PHLDB2: variants seen among roughly 807,000 people sequenced by gnomAD.
The protein encoded by PHLDB2 is pleckstrin homology like domain family B member 2, also known as pleckstrin homology-like domain family B member 2.
PHLDB2 carries 71 observed loss-of-function variants against 123.6 expected under a neutral mutation model. The observed-to-expected ratio is 0.57, with a 90% confidence interval of 0.47 to 0.70. The LOEUF (loss-of-function observed/expected upper bound fraction) is 0.70, where lower values mean the gene tolerates loss of function less well. PHLDB2 is among the 30% of genes least tolerant of loss of function. The pLI is 0.00. For missense variants in PHLDB2, 1,446 were observed against 1,519.5 expected (o/e 0.95, Z 0.80); for synonymous variants, 547 against 541.6 (o/e 1.01, Z -0.14).
intron 1 of PHLDB2, among the ~76,000 whole-genome samples, chr3:111,755,520 C>G (rs1460971177): frequency 6.9e-6 from 1 of 144,674 alleles, no homozygotes; most frequent in African/African-American, 2.6e-5. Context: ...TTTTTTATTG[C>G]GTCTATTTGA....
intron 2 of PHLDB2, among the ~76,000 whole-genome samples, chr3:111,912,132 G>C (rs1028540114): frequency 1.3e-5 from 2 of 152,154 alleles, no homozygotes; most frequent in African/African-American, 2.4e-5. Flanking sequence ...TTTGTTTTTA[G>C]TTCTTTTTTC....
chr3:111,772,669 C>T (rs1234983080), intron 1 of PHLDB2, among the ~76,000 whole-genome samples: 2 of 152,294 alleles, frequency 1.3e-5, no homozygotes, highest in South Asian at 4.1e-4. Context: ...TGGCATTTTT[C>T]TTGGTTCAAA....
At chr3:111,862,803 A>G (rs1403902456) in intron 1 of PHLDB2, among the ~76,000 whole-genome samples, 1 of 152,188 alleles carries the variant, frequency 6.6e-6, no homozygotes, top group Non-Finnish European at 1.5e-5. Flanking sequence ...GATTAAAGTC[A>G]TGGGATTTGG....
chr3:111,872,084 A>T (rs1450861767), intron 1 of PHLDB2, among the ~76,000 whole-genome samples: 1 of 152,232 alleles, frequency 6.6e-6, no homozygotes, highest in Non-Finnish European at 1.5e-5. Flanking sequence ...AAATGCAAAC[A>T]TTTCAACGTA....
intron 1 of PHLDB2, among the ~76,000 whole-genome samples, chr3:111,763,052 C>A (rs2060020869): frequency 6.6e-6 from 1 of 152,192 alleles, no homozygotes; most frequent in African/African-American, 2.4e-5. Flanking sequence ...TGTCTCCCAG[C>A]ACTTCTACAG....
chr3:111,876,603 G>A (rs1017276990), intron 1 of PHLDB2, among the ~76,000 whole-genome samples: 2 of 151,940 alleles, frequency 1.3e-5, no homozygotes, highest in Non-Finnish European at 2.9e-5. Flanking sequence ...TAAGTTCTGG[G>A]GTACATGTGC....
intron 1 of PHLDB2, among the ~76,000 whole-genome samples, chr3:111,798,682 A>AAAAATAAAATAAAAT (rs11276346): frequency 0.072 from 10,371 of 144,522 alleles, 489 homozygotes; most frequent in South Asian, 0.1. Context: ...TGTCTCTAAT[A>AAAAATAAAATAAAAT]AAAATAAAAT....
intron 1 of PHLDB2, 196 bp downstream of exon 1, chr3:111,859,772 G>C: frequency 2.0e-6 from 2 of 985,552 alleles, no homozygotes; most frequent in Non-Finnish European, 2.4e-6. Context: ...CGCGAGTCAG[G>C]AGGGGCCGGC....
chr3:111,771,827 A>G (rs753268428), intron 1 of PHLDB2, among the ~76,000 whole-genome samples: 6 of 152,212 alleles, frequency 3.9e-5, no homozygotes, highest in Non-Finnish European at 7.3e-5. Context: ...TAGGACTTCA[A>G]CATCTTTTGG....
At chr3:111,813,804 A>G (rs1341354554) in intron 1 of PHLDB2, among the ~76,000 whole-genome samples, 3 of 152,230 alleles carry the variant, frequency 2.0e-5, no homozygotes, top group African/African-American at 7.2e-5. Context: ...TATTTAGGCC[A>G]CTTAATTAGA....
At chr3:111,800,444 A>C (rs963239130) in intron 1 of PHLDB2, among the ~76,000 whole-genome samples, 1 of 152,174 alleles carries the variant, frequency 6.6e-6, no homozygotes, top group African/African-American at 2.4e-5. Flanking sequence ...CTTTTTGTTT[A>C]TTAAATTCCT....
chr3:111,955,978 A>C (rs2071031639), intron 12 of PHLDB2, among the ~76,000 whole-genome samples: 1 of 152,100 alleles, frequency 6.6e-6, no homozygotes, highest in Admixed American at 6.6e-5. Context: ...AGGAGGGAAG[A>C]TTGCTTAAGA....
chr3:111,859,731 C>G (rs1476363262), intron 1 of PHLDB2, 155 bp downstream of exon 1: 50 of 984,828 alleles, frequency 5.1e-5, no homozygotes, highest in Non-Finnish European at 5.8e-5. Context: ...AGTGGCTGCC[C>G]GGGCCGAGGA....
chr3:111,781,439 T>TA (rs2060473246), intron 1 of PHLDB2, among the ~76,000 whole-genome samples: 1 of 152,100 alleles, frequency 6.6e-6, no homozygotes, highest in Admixed American at 6.6e-5. Context: ...GAGTCAGGAT[T>TA]GCCAGGAAAG....
At chr3:111,898,031 A>G (rs534125680) in intron 2 of PHLDB2, among the ~76,000 whole-genome samples, 1 of 152,348 alleles carries the variant, frequency 6.6e-6, no homozygotes, top group East Asian at 1.9e-4. Context: ...GCTTAAAAAA[A>G]TACTAACAAT....
intron 7 of PHLDB2, among the ~76,000 whole-genome samples, chr3:111,939,977 T>TAA (rs1488827438): frequency 1.3e-5 from 2 of 152,220 alleles, no homozygotes; most frequent in Non-Finnish European, 2.9e-5. Context: ...TCTGTTTTCA[T>TAA]TGCTCAGTAG....
intron 1 of PHLDB2, among the ~76,000 whole-genome samples, chr3:111,874,910 A>C (rs900303547): frequency 6.6e-6 from 1 of 152,188 alleles, no homozygotes; most frequent in Non-Finnish European, 1.5e-5. Flanking sequence ...TAAGGTAGCT[A>C]CATTCTAAAA....
chr3:111,869,767 A>G (rs2065254576), intron 1 of PHLDB2, among the ~76,000 whole-genome samples: 1 of 152,138 alleles, frequency 6.6e-6, no homozygotes, highest in African/African-American at 2.4e-5. Context: ...GCCTGTTGTA[A>G]TAGGTTCAGT....
At chr3:111,734,264 A>T (rs762640010) in intron 1 of PHLDB2, among the ~76,000 whole-genome samples, 1 of 152,160 alleles carries the variant, frequency 6.6e-6, no homozygotes, top group Non-Finnish European at 1.5e-5. Flanking sequence ...TTGACGAGGG[A>T]AAAGGATCTT....
Sources: gnomAD v4.1 joint callset for allele counts (sites outside exome capture counted in the v4.1 genomes callset) on GRCh38, gnomAD v4.1.1 for gene constraint, MANE v1.5 for transcripts, NCBI Gene and HGNC (gene_info 2026-07-23, HGNC 2026-07-21) for gene names.